The following RASAL2 variants were observed in gnomAD, a reference collection of about 807,000 sequenced individuals.
RASAL2 encodes the protein ras GTPase-activating protein nGAP.
Under a neutral mutation model 128.9 loss-of-function variants are expected in RASAL2, and 58 were observed. The ratio of observed to expected loss-of-function variants is 0.45; its 90% confidence interval spans 0.36 to 0.56. The LOEUF is 0.56. Ranked by LOEUF, RASAL2 falls within the 20% of genes least tolerant of loss-of-function variation. RASAL2 has a pLI of 0.00. For missense variants in RASAL2, 1,360 were observed against 1,601.6 expected, an observed-to-expected ratio of 0.85 and a Z score of 2.57; for synonymous variants, 561 against 580.8, an observed-to-expected ratio of 0.97 and a Z score of 0.49.
chr1:178,437,404 G>A (rs1466006450), intron 5 of RASAL2, among the ~76,000 whole-genome samples: 5 of 152,042 alleles, frequency 3.3e-5, no homozygotes, highest in South Asian at 2.1e-4. Context: ...TTGCTATACC[G>A]GGACATGTGG....
In RASAL2 at chr1:178,096,502, G is replaced by C. The variant is rs74128841; in HGVS notation, c.202+1808G>C. ...TGTGTGTGTGTAAGAGAGAGAGAGA[G>C]TGAGAGCAAGTTTACATTATGTTTT... On this transcript the variant is annotated intron_variant, in intron 1 of 17. Transcript: ENST00000367649. Among the ~76,000 whole-genome samples, 389 of 151,958 alleles carry C rather than the reference G, an allele frequency of 2.6e-3. 4 individuals are homozygous for C. Among genetic ancestry groups the C allele is most frequent in the African/African-American group, 9.1e-3 (377 of 41,500 alleles).
At chr1:178,299,852 T>G in intron 2 of RASAL2, 140 bp from the exon 3 acceptor site, 1 of 820,950 alleles carries the variant, frequency 1.2e-6, no homozygotes, top group Non-Finnish European at 1.8e-6. Flanking sequence ...CTTACCATTG[T>G]ATATACTTTA....
At chr1:178,290,396 T>G (rs1441182861) in intron 2 of RASAL2, among the ~76,000 whole-genome samples, 1 of 152,234 alleles carries the variant, frequency 6.6e-6, no homozygotes, top group Non-Finnish European at 1.5e-5. Flanking sequence ...TTTCTAAAAC[T>G]AATAAAAAGA....
intron 8 of RASAL2, among the ~76,000 whole-genome samples, chr1:178,444,681 TGATG>T (rs935397451): frequency 2.6e-5 from 4 of 152,076 alleles, no homozygotes; most frequent in Admixed American, 2.6e-4. Flanking sequence ...CCTTCTGGAT[TGATG>T]GATGGATGGA....
At chr1:178,452,983 GTATACTGT>G (rs1291051132) in intron 11 of RASAL2, among the ~76,000 whole-genome samples, 1 of 152,054 alleles carries the variant, frequency 6.6e-6, no homozygotes, top group African/African-American at 2.4e-5. Context: ...AAAGTGGTAT[GTATACTGT>G]TATCCCAGCA....
chr1:178,237,721 A>G (rs1453874628), intron 1 of RASAL2, among the ~76,000 whole-genome samples: 5 of 152,210 alleles, frequency 3.3e-5, no homozygotes, highest in African/African-American at 4.8e-5. Flanking sequence ...TTGTGATAGC[A>G]TGCACATACC....
At chr1:178,390,355 GT>G in intron 4 of RASAL2, 149 bp downstream of exon 4, 1 of 546,780 alleles carries the variant, frequency 1.8e-6, no homozygotes, top group Non-Finnish European at 3.2e-6. Context: ...TCATCAACTT[GT>G]GTAAATTAAC....
rs114755837 is a variant in RASAL2 at position 178,266,977 on chromosome 1, A to G, written c.203-16587A>G. 6.6e-3 allele frequency among the ~76,000 whole-genome samples: 1,001 copies of G among 152,260 alleles called. 5 individuals carry two copies. The highest frequency in any genetic ancestry group is 0.01 in the Non-Finnish European group (706 of 68,000). ...CCAGTTTCTAATGGCTGGCATTTGT[A>G]TATCAAAGGTTTCCAGCCCAGCTCT... On this transcript the variant is annotated intron_variant, in intron 1 of 17. Coordinates refer to ENST00000367649, the MANE Select transcript of RASAL2 (RefSeq NM_170692.4).
At chr1:178,441,973 C>T (rs1045966478) in intron 7 of RASAL2, among the ~76,000 whole-genome samples, 5 of 152,058 alleles carry the variant, frequency 3.3e-5, no homozygotes, top group South Asian at 2.1e-4. Flanking sequence ...AGGCACATCA[C>T]ATGGTGAAAG....
In RASAL2 at chr1:178,458,693, G is replaced by A. The variant is rs546433472; in HGVS notation, c.3252+149G>A. On this transcript the variant is annotated intron_variant, in intron 14 of 17. Transcript: ENST00000367649. ...TGGAAAGAGGAAAGGAAAAATTTGGGAGGCTTCTGCCCAGGTGTGACTACA... is the reference window on the plus strand; with the variant it reads ...TGGAAAGAGGAAAGGAAAAATTTGGAAGGCTTCTGCCCAGGTGTGACTACA... The A allele has an allele frequency of 3.1e-5, 35 of 1,138,750 alleles. 1 individual carries two copies. In the South Asian group the frequency reaches 5.7e-4, roughly 18 times the overall value. The allele number at this position is 1,138,750 out of a possible 1,614,324, so 70.5% of individuals were successfully genotyped here.
At chr1:178,358,944 G>C (rs899610613) in intron 3 of RASAL2, among the ~76,000 whole-genome samples, 10 of 152,088 alleles carry the variant, frequency 6.6e-5, no homozygotes, top group African/African-American at 2.4e-4. Flanking sequence ...ATCTAAATTT[G>C]TTGTTATATT....
chr1:178,399,653 G>A (rs1673487791), intron 4 of RASAL2, among the ~76,000 whole-genome samples: 1 of 152,188 alleles, frequency 6.6e-6, no homozygotes, highest in Non-Finnish European at 1.5e-5. Flanking sequence ...ATAAAAGGCA[G>A]CATGGCAAGT....
At chr1:178,408,797 G>T (rs945984767) in intron 4 of RASAL2, among the ~76,000 whole-genome samples, 2 of 152,082 alleles carry the variant, frequency 1.3e-5, no homozygotes, top group Non-Finnish European at 2.9e-5. Context: ...AGAATGTCAA[G>T]AATTCATATA....
At position 178,439,542 on chromosome 1, in the gene RASAL2, T is replaced by C. The variant is rs1676483018; in HGVS notation, c.795T>C (p.His265=). Residue 265 remains histidine, a synonymous_variant, in exon 6 of 18, where the codon CAT becomes CAC. Transcript: ENST00000367649. ...RGEPVSVKPL[H]SSILGQDFCF... ...AACCTGTATCAGTGAAACCACTTCA[T>C]AGTAGCATCCTTGGACAAGACTTCT... 1 of 1,612,776 alleles carries C rather than the reference T, an allele frequency of 6.2e-7. No individual in the cohort carries two copies. The highest frequency in any genetic ancestry group is 8.5e-7 in the Non-Finnish European group (1 of 1,179,280).
intron 1 of RASAL2, among the ~76,000 whole-genome samples, chr1:178,129,303 G>T (rs1660011181): frequency 1.3e-5 from 2 of 152,004 alleles, no homozygotes; most frequent in East Asian, 3.9e-4. Flanking sequence ...ACGTAAAGTG[G>T]CATTTCATTG....
At chr1:178,183,947 C>G (rs1324145369) in intron 1 of RASAL2, among the ~76,000 whole-genome samples, 1 of 152,168 alleles carries the variant, frequency 6.6e-6, no homozygotes, top group East Asian at 1.9e-4. Context: ...TCCTGTTGCT[C>G]TGTATCCTCA....
intron 3 of RASAL2, among the ~76,000 whole-genome samples, chr1:178,308,644 C>G (rs925486373): frequency 2.0e-5 from 3 of 149,574 alleles, no homozygotes; most frequent in African/African-American, 7.4e-5. Context: ...TTCCTAGGCT[C>G]AACTGATTCT....
chr1:178,393,127 C>T (rs1430377561), intron 4 of RASAL2, among the ~76,000 whole-genome samples: 4 of 152,148 alleles, frequency 2.6e-5, no homozygotes, highest in African/African-American at 9.7e-5. Context: ...ACCTTTCTGG[C>T]ACCAGGGACC....
chr1:178,271,325 T>A (rs1391469135), intron 1 of RASAL2, among the ~76,000 whole-genome samples: 2 of 152,240 alleles, frequency 1.3e-5, no homozygotes, highest in Non-Finnish European at 2.9e-5. Flanking sequence ...ATTTACTTTT[T>A]ATTTCCGTTC....
Sources: gnomAD v4.1 joint callset for allele counts (sites outside exome capture counted in the v4.1 genomes callset) on GRCh38, gnomAD v4.1.1 for gene constraint, MANE v1.5 for transcripts, NCBI Gene and HGNC (gene_info 2026-07-23, HGNC 2026-07-21) for gene names.